NOS2: variants seen among roughly 807,000 people sequenced by gnomAD.
NOS2 encodes nitric oxide synthase, inducible.
A neutral mutation model predicts 136.0 loss-of-function variants in NOS2; 96 were observed. That is an observed-to-expected ratio of 0.71 (90% CI 0.60 to 0.84). The LOEUF is 0.84. Among genes scored for constraint, NOS2 ranks in the 40% least tolerant of loss-of-function variants. The probability of loss-of-function intolerance (pLI) is 0.00; values close to 1 mark genes in which losing one functional copy is unlikely to be tolerated. For synonymous variants in NOS2, 539 were observed against 587.5 expected, an observed-to-expected ratio of 0.92 and a Z score of 1.20; for missense variants, 1,237 against 1,496.9, an observed-to-expected ratio of 0.83 and a Z score of 2.87.
At chr17:27,775,304 T>C (rs1185305464) in intron 11 of NOS2, among the ~76,000 whole-genome samples, 1 of 151,916 alleles carries the variant, frequency 6.6e-6, no homozygotes, top group Non-Finnish European at 1.5e-5. Flanking sequence ...TATAAAAATT[T>C]AAAAATTAGT....
chr17:27,760,518 C>G, intron 24 of NOS2, 105 bp downstream of exon 24: 1 of 1,474,336 alleles, frequency 6.8e-7, no homozygotes, highest in Non-Finnish European at 9.2e-7. Context: ...CTTGGGAGGC[C>G]TTCCCTCGAG....
chr17:27,776,504 C>T (rs1908662135), intron 11 of NOS2, among the ~76,000 whole-genome samples: 1 of 151,956 alleles, frequency 6.6e-6, no homozygotes, highest in Non-Finnish European at 1.5e-5. Context: ...GAAACCCTAT[C>T]TCTACTAAAA....
chr17:27,790,928 T>C (rs1198502969), intron 2 of NOS2, among the ~76,000 whole-genome samples: 1 of 152,192 alleles, frequency 6.6e-6, no homozygotes, highest in Non-Finnish European at 1.5e-5. Context: ...TTGGCAGTAT[T>C]TTCCAGGGTA....
In NOS2 at chr17:27,782,982, G is replaced by A. The variant is rs763112713; in HGVS notation, c.592C>T (p.Pro198Ser). The change falls in exon 6 of 27, where the codon CCA (proline) becomes TCA (serine). Residue 198 changes from proline to serine, a missense_variant. Pro to Ser is a moderately conservative substitution (Grantham distance 74, BLOSUM62 -1). Around this residue, in one of 3 missense-constraint regions of NOS2, gnomAD observed 440 missense variants for 545.4 expected, o/e 0.81. Coordinates refer to ENST00000313735, the MANE Select transcript of NOS2 (RefSeq NM_000625.4). ...FATKQAWRNAPRCIGRIQWSN... is the reference protein window; with the variant it reads ...FATKQAWRNASRCIGRIQWSN... ...CACTGGATCCTCCCAATGCAGCGTG[G>A]GGCATTGCGCCAGGCCTGCTTGGTG... 6.2e-7 allele frequency: 1 copy of A among 1,614,170 alleles called. No homozygotes were observed. The highest frequency in any genetic ancestry group is 8.5e-7 in the Non-Finnish European group (1 of 1,180,030).
chr17:27,771,095 C>T, intron 14 of NOS2, 78 bp from the exon 15 acceptor site: 3 of 998,514 alleles, frequency 3.0e-6, no homozygotes, highest in Non-Finnish European at 4.6e-6. Context: ...CCCTGGGCTT[C>T]CTCCCACACT....
chr17:27,771,214 T>G (rs1908484460), intron 14 of NOS2, among the ~76,000 whole-genome samples, 197 bp from the exon 15 acceptor site: 1 of 152,236 alleles, frequency 6.6e-6, no homozygotes, highest in Non-Finnish European at 1.5e-5. Context: ...TCTGTTCTCC[T>G]TCCCCGCTTA....
At chr17:27,772,129 T>G in intron 14 of NOS2, among the ~76,000 whole-genome samples, 179 bp downstream of exon 14, 1 of 152,360 alleles carries the variant, frequency 6.6e-6, no homozygotes, top group East Asian at 1.9e-4. Flanking sequence ...GAAAAACTCA[T>G]CTACTGTGTA....
chr17:27,775,061 G>C (rs1233116255), intron 11 of NOS2, among the ~76,000 whole-genome samples: 1 of 152,240 alleles, frequency 6.6e-6, no homozygotes, highest in African/African-American at 2.4e-5. Flanking sequence ...TCAGTCAAGA[G>C]ACATTTGTTT....
At chr17:27,780,648 T>C in intron 9 of NOS2, 119 bp downstream of exon 9, 2 of 1,301,110 alleles carry the variant, frequency 1.5e-6, no homozygotes, top group Non-Finnish European at 2.2e-6. Context: ...GCCCCCTGAG[T>C]GTCACCTGCT....
chr17:27,763,867 C>A, intron 21 of NOS2, 114 bp downstream of exon 21: 1 of 819,444 alleles, frequency 1.2e-6, no homozygotes, highest in South Asian at 1.9e-5. Flanking sequence ...ACAAGTCTCA[C>A]TTTGGGAACC....
chr17:27,781,998 G>C lies in NOS2; in HGVS notation c.722+17C>G. 1 of 1,610,972 alleles carries C rather than the reference G, an allele frequency of 6.2e-7. No homozygotes were observed. The highest frequency in any genetic ancestry group is 8.5e-7 in the Non-Finnish European group (1 of 1,177,404). ...GCAAGGCAAGCCCCTCTGCAGCCCTGGGAAATGTGCACCGACCTGATGTTG... is the reference window on the plus strand; with the variant it reads ...GCAAGGCAAGCCCCTCTGCAGCCCTCGGAAATGTGCACCGACCTGATGTTG... On this transcript the variant is annotated intron_variant, in intron 7 of 26. Coordinates refer to ENST00000313735, the MANE Select transcript of NOS2 (RefSeq NM_000625.4).
In NOS2 at chr17:27,787,731, C is replaced by A; in HGVS notation, c.414G>T (p.Glu138Asp). The A allele has an allele frequency of 6.2e-7, 1 of 1,613,856 alleles. No individual in the cohort carries two copies. Among genetic ancestry groups the A allele is most frequent in the African/African-American group, 1.3e-5 (1 of 75,038 alleles). ...GPRDKPTPPD[E>D]LLPQAIEFVN... ...CAAATTCGATAGCTTGAGGTAGAAG[C>A]TCATCTGGAGGGGTAGGCTTGTCCC... Residue 138 changes from glutamate to aspartate, a missense_variant, in exon 5 of 27, where the codon GAG becomes GAT. Physicochemically the swap from Glu to Asp is conservative, Grantham distance 45. Coordinates refer to ENST00000313735, the MANE Select transcript of NOS2 (RefSeq NM_000625.4).
rs183309032 is a variant in NOS2, at chr17:27,798,699, C to T, written c.110+1G>A. 5.6e-6 allele frequency: 9 copies of T among 1,604,650 alleles called. No individual in the cohort carries two copies. Among genetic ancestry groups the T allele is most frequent in the African/African-American group, 1.3e-5 (1 of 74,850 alleles). On this transcript the variant is annotated splice_donor_variant, in intron 2 of 26. Transcript: ENST00000313735. LOFTEE classifies it high-confidence loss of function. ...AGGAGGTTCCCCCAGGGAAAACTCA[C>T]CTGGAGGTGGCACAGGGGGCTTTCT...
chr17:27,770,379 G>A (rs532839051), intron 15 of NOS2, among the ~76,000 whole-genome samples: 3 of 152,254 alleles, frequency 2.0e-5, no homozygotes, highest in South Asian at 4.1e-4. Context: ...GCAGCTACTC[G>A]GGAGGCTGAG....
chr17:27,760,492 C>A (rs534139293), intron 24 of NOS2, 131 bp downstream of exon 24: 2 of 1,267,668 alleles, frequency 1.6e-6, no homozygotes, highest in African/African-American at 1.5e-5. Context: ...CGCAGAGGCC[C>A]GCACAGGGAA....
At chr17:27,762,376 A>G (rs1908161321) in intron 22 of NOS2, among the ~76,000 whole-genome samples, 1 of 152,148 alleles carries the variant, frequency 6.6e-6, no homozygotes, top group Non-Finnish European at 1.5e-5. Context: ...AGGCTGCATG[A>G]TTGGGAAGAC....
At chr17:27,797,412 T>C (rs1340282882) in intron 2 of NOS2, among the ~76,000 whole-genome samples, 2 of 152,254 alleles carry the variant, frequency 1.3e-5, no homozygotes, top group Non-Finnish European at 2.9e-5. Flanking sequence ...ATCACCATTG[T>C]TACCCTCTTC....
At chr17:27,778,841 G>C in intron 10 of NOS2, 41 bp downstream of exon 10, 1 of 1,612,278 alleles carries the variant, frequency 6.2e-7, no homozygotes, top group Non-Finnish European at 8.5e-7. Context: ...GCCACCCCCA[G>C]GCCCACACCT....
chr17:27,788,127 TCCTATGGGAA>T, intron 4 of NOS2, among the ~76,000 whole-genome samples: 1 of 151,866 alleles, frequency 6.6e-6, no homozygotes, highest in African/African-American at 2.4e-5. Context: ...CCAATATGGC[TCCTATGGGAA>T]CATGATATTG....
Sources: allele counts gnomAD v4.1 joint callset (sites outside exome capture counted in the v4.1 genomes callset), GRCh38; gene constraint gnomAD v4.1.1; regional missense constraint gnomAD v4.1.1; transcripts MANE v1.5; gene names NCBI Gene and HGNC (gene_info 2026-07-23, HGNC 2026-07-21).